Variants in PDE1A observed in about 807,000 individuals in gnomAD.
The protein encoded by PDE1A is dual specificity calcium/calmodulin-dependent 3',5'-cyclic nucleotide phosphodiesterase 1A.
In PDE1A, 35 loss-of-function variants were observed where a neutral mutation model predicts 61.7. That is an observed-to-expected ratio of 0.57 (90% CI 0.43 to 0.75). PDE1A has a LOEUF of 0.75. PDE1A is among the 30% of genes least tolerant of loss of function. The probability of loss-of-function intolerance (pLI) is 0.00; values close to 1 mark genes in which losing one functional copy is unlikely to be tolerated. For synonymous variants in PDE1A, 232 were observed against 213.2 expected (o/e 1.09, Z -0.77); for missense variants, 597 against 630.6 (o/e 0.95, Z 0.57).
intron 2 of PDE1A, among the ~76,000 whole-genome samples, chr2:182,241,584 G>T (rs1042909925): frequency 1.3e-5 from 2 of 152,194 alleles, no homozygotes; most frequent in African/African-American, 4.8e-5. Flanking sequence ...AACTCTTCAT[G>T]TTCCTTTAAA....
At chr2:182,184,075 G>A (rs1401457214) in intron 13 of PDE1A, among the ~76,000 whole-genome samples, 1 of 151,668 alleles carries the variant, frequency 6.6e-6, no homozygotes, top group Non-Finnish European at 1.5e-5. Flanking sequence ...GAAATTGACA[G>A]AGATCCAGAG....
At chr2:182,641,560 T>C in the PDE1A span, among the ~76,000 whole-genome samples, 1 of 152,194 alleles carries the variant, frequency 6.6e-6, no homozygotes, top group Non-Finnish European at 1.5e-5. Context: ...ATTCATCTCA[T>C]TTATAAAATG....
At chr2:182,255,926 C>A (rs1017146551) in intron 2 of PDE1A, among the ~76,000 whole-genome samples, 1 of 151,806 alleles carries the variant, frequency 6.6e-6, no homozygotes, top group South Asian at 2.1e-4. Context: ...CCCGCCTCGG[C>A]CTCCCAAAGT....
the PDE1A span, among the ~76,000 whole-genome samples, chr2:182,588,949 G>A: frequency 2.0e-5 from 3 of 151,284 alleles, no homozygotes; most frequent in African/African-American, 4.8e-5. Context: ...AGGCTGAGGT[G>A]GGAGAATCAC....
the PDE1A span, among the ~76,000 whole-genome samples, chr2:182,638,167 G>C: frequency 6.6e-6 from 1 of 152,260 alleles, no homozygotes; most frequent in East Asian, 1.9e-4. Context: ...ATGTTAAATA[G>C]AGGAAAAAGG....
chr2:182,382,683 C>T (rs2125323334), intron 1 of PDE1A, among the ~76,000 whole-genome samples: 1 of 148,686 alleles, frequency 6.7e-6, no homozygotes, highest in African/African-American at 2.5e-5. Context: ...TCAAGAGACA[C>T]ACAGCTTAGT....
intron 2 of PDE1A, among the ~76,000 whole-genome samples, chr2:182,464,102 T>C (rs1469099742): frequency 6.6e-6 from 1 of 152,156 alleles, no homozygotes. Flanking sequence ...TGGTCACCTA[T>C]ACCAAGCCAT....
chr2:182,461,720 G>A (rs149383034), intron 2 of PDE1A, among the ~76,000 whole-genome samples: 28 of 152,184 alleles, frequency 1.8e-4, no homozygotes, highest in Admixed American at 5.9e-4. Flanking sequence ...TTCCAGTGCT[G>A]GTGCTTTCTT....
intron 2 of PDE1A, among the ~76,000 whole-genome samples, chr2:182,245,187 T>C (rs1319689798): frequency 1.3e-5 from 2 of 152,198 alleles, no homozygotes; most frequent in African/African-American, 4.8e-5. Context: ...ACCTTCTTCA[T>C]TTAGACTTTA....
At chr2:182,648,256 AG>A in the PDE1A span, among the ~76,000 whole-genome samples, 2 of 152,132 alleles carry the variant, frequency 1.3e-5, no homozygotes, top group Non-Finnish European at 2.9e-5. Flanking sequence ...CCTTGCGAGT[AG>A]TAAGCCTCAT....
At chr2:182,374,112 C>T (rs1486309839) in intron 1 of PDE1A, among the ~76,000 whole-genome samples, 1 of 152,104 alleles carries the variant, frequency 6.6e-6, no homozygotes, top group East Asian at 1.9e-4. Context: ...AGTCAATCCA[C>T]ATATATGATT....
At chr2:182,539,084 C>G in the PDE1A span, among the ~76,000 whole-genome samples, 14 of 152,194 alleles carry the variant, frequency 9.2e-5, no homozygotes, top group Non-Finnish European at 1.5e-4. Context: ...CCCACACTCT[C>G]TTTCCCACTG....
Position 182,512,591 on chromosome 2 carries a change from T to C in PDE1A, c.101+9685A>G, listed in dbSNP as rs188299401. Among the ~76,000 whole-genome samples, 6 of 152,322 alleles carry C rather than the reference T, an allele frequency of 3.9e-5. No individual in the cohort carries two copies. The East Asian group carries it at 1.2e-3, about 29-fold the overall frequency. On this transcript the variant is annotated intron_variant, in intron 2 of 14. Transcript: ENST00000410103. ...ATAACAGCTACCCAGCAATGTTTTT[T>C]TACCAGACGAAATAGTTGAAATGAC...
intron 7 of PDE1A, among the ~76,000 whole-genome samples, chr2:182,211,326 AT>A (rs1390753798): frequency 3.9e-5 from 6 of 152,130 alleles, no homozygotes; most frequent in Non-Finnish European, 8.8e-5. Context: ...AGTTGACTAT[AT>A]TTTTTGTAGG....
At chr2:182,632,334 GT>G in the PDE1A span, among the ~76,000 whole-genome samples, 1 of 152,130 alleles carries the variant, frequency 6.6e-6, no homozygotes, top group South Asian at 2.1e-4. Flanking sequence ...AACTGATGAT[GT>G]TTTACAATCG....
At chr2:182,368,560 T>C (rs1699963170) in intron 1 of PDE1A, among the ~76,000 whole-genome samples, 5 of 151,960 alleles carry the variant, frequency 3.3e-5, no homozygotes. Flanking sequence ...ACAATGGGGC[T>C]GAGAGAGATT....
chr2:182,188,750 A>G (rs987201796), intron 11 of PDE1A, among the ~76,000 whole-genome samples: 3 of 152,258 alleles, frequency 2.0e-5, no homozygotes, highest in African/African-American at 4.8e-5. Context: ...TAAAAGGATT[A>G]CAACCACGAT....
the PDE1A span, among the ~76,000 whole-genome samples, chr2:182,573,898 T>C: frequency 1.7e-3 from 247 of 146,086 alleles, no homozygotes; most frequent in African/African-American, 5.8e-3. Flanking sequence ...TATACATATG[T>C]ATATTTATAT....
Position 182,364,590 on chromosome 2 carries a change from T to C in PDE1A, c.53+61988A>G, listed in dbSNP as rs1189682491. On this transcript the variant is annotated intron_variant, in intron 1 of 13. Transcript: ENST00000351439. Reference sequence around the variant, plus strand: ...ATTTCAGGACAGCATAGCATTAAAATATACCCAACTTTTCTCTCAACTTCC... The same window carrying C: ...ATTTCAGGACAGCATAGCATTAAAACATACCCAACTTTTCTCTCAACTTCC... Among the ~76,000 whole-genome samples, 7 of 144,052 alleles carry C rather than the reference T, an allele frequency of 4.9e-5. No homozygotes were observed. The South Asian group carries it at 6.7e-4, about 14-fold the overall frequency. The allele number at this position is 144,052 out of a possible 152,430, so 94.5% of individuals were successfully genotyped here.
Sources: gnomAD v4.1 joint callset for allele counts (sites outside exome capture counted in the v4.1 genomes callset) on GRCh38, gnomAD v4.1.1 for gene constraint, MANE v1.5 for transcripts, NCBI Gene and HGNC (gene_info 2026-07-23, HGNC 2026-07-21) for gene names.